PTGIR: variants seen among roughly 807,000 people sequenced by gnomAD.
The protein encoded by PTGIR is prostacyclin receptor.
Under a neutral mutation model 17.6 loss-of-function variants are expected in PTGIR, and 16 were observed. That is an observed-to-expected ratio of 0.91 (90% CI 0.61 to 1.38). The LOEUF is 1.38. Among genes scored for constraint, PTGIR ranks in the 40% most tolerant of loss-of-function variants. PTGIR has a pLI of 0.00. For missense variants in PTGIR, 532 were observed against 548.6 expected (o/e 0.97, Z 0.30); for synonymous variants, 274 against 255.4 (o/e 1.07, Z -0.69).
Position 46,623,915 on chromosome 19 carries a change from A to C in PTGIR, c.311T>G (p.Leu104Arg), listed in dbSNP as rs776295915. The C allele has an allele frequency of 1.9e-6, 3 of 1,605,174 alleles. No homozygotes were observed. Among genetic ancestry groups the C allele is most frequent in the Non-Finnish European group, 2.6e-6 (3 of 1,175,700 alleles). The change falls in exon 2 of 3, where the codon CTG (leucine) becomes CGG (arginine). Residue 104 changes from leucine (L) to arginine (R), a missense_variant. Leu to Arg is a moderately radical substitution (Grantham distance 102). Transcript: ENST00000291294. ...AFAFAMTFFG[L>R]ASMLILFAMA... Reference sequence around the variant, plus strand: ...GGCAAAGAGGATGAGCATGGACGCCAGGCCGAAGAAGGTCATGGCGAAGGC... The same window carrying C: ...GGCAAAGAGGATGAGCATGGACGCCCGGCCGAAGAAGGTCATGGCGAAGGC...
chr19:46,619,100 C>G (rs1481680673), downstream of PTGIR, among the ~76,000 whole-genome samples: 1 of 152,134 alleles, frequency 6.6e-6, no homozygotes, highest in African/African-American at 2.4e-5. Flanking sequence ...CAAGGTGTCC[C>G]GGAGTGGATA....
At chr19:46,619,662 G>GAAAGAAAAGA (rs1972030563), downstream of PTGIR, among the ~76,000 whole-genome samples, 1 of 128,544 alleles carries the variant, frequency 7.8e-6, no homozygotes, top group African/African-American at 3.0e-5. Flanking sequence ...AGAAAAGAAA[G>GAAAGAAAAGA]AAAGAAAGAA....
At chr19:46,612,136 T>C in the PTGIR span, among the ~76,000 whole-genome samples, 1 of 152,210 alleles carries the variant, frequency 6.6e-6, no homozygotes, top group South Asian at 2.1e-4. Context: ...GCTTGGCATT[T>C]GGTGGTGCAG....
downstream of PTGIR, among the ~76,000 whole-genome samples, chr19:46,617,274 C>A (rs1351603077): frequency 6.6e-6 from 1 of 152,130 alleles, no homozygotes; most frequent in East Asian, 1.9e-4. Context: ...TGGACAGGAC[C>A]CGGGCAGCTG....
rs1024240662 is a variant in PTGIR, at chr19:46,621,798, A to G, written c.769-126T>C. 3.5e-6 allele frequency: 5 copies of G among 1,441,572 alleles called. No individual in the cohort carries two copies. The African/African-American group carries it at 5.7e-5, about 17-fold the overall frequency. 89.3% of individuals were successfully genotyped at this position (1,441,572 alleles called of 1,614,324 possible). ...ACATGTCAGAGGGGAAGGAGATAAG[A>G]TAAAGACTAAGTAACAAATGTATCT... On this transcript the variant is annotated intron_variant, in intron 2 of 2. Transcript: ENST00000291294. The surrounding 1 kb of genome is among the most constrained non-coding windows in gnomAD (Gnocchi z 4.8).
chr19:46,617,297 A>T (rs2122299477), downstream of PTGIR, among the ~76,000 whole-genome samples: 1 of 152,276 alleles, frequency 6.6e-6, no homozygotes, highest in Non-Finnish European at 1.5e-5. Context: ...AGAGAGGATG[A>T]ACTTGGACAG....
the PTGIR span, among the ~76,000 whole-genome samples, chr19:46,611,140 G>A: frequency 6.6e-6 from 1 of 152,164 alleles, no homozygotes; most frequent in South Asian, 2.1e-4. Context: ...CCTGAAAGAT[G>A]GGCAGTCCCC....
chr19:46,611,431 GA>G, the PTGIR span, among the ~76,000 whole-genome samples: 1 of 152,244 alleles, frequency 6.6e-6, no homozygotes, highest in African/African-American at 2.4e-5. Flanking sequence ...ACAGTGGTGA[GA>G]AAGGCATGGT....
At chr19:46,622,507 C>T in intron 2 of PTGIR, 2 of 601,958 alleles carry the variant, frequency 3.3e-6, no homozygotes, top group Non-Finnish European at 4.2e-6. Context: ...ACGGGGCGGG[C>T]ATAGAGAAGT....
At chr19:46,619,996 C>T (rs954970704), downstream of PTGIR, among the ~76,000 whole-genome samples, 6 of 152,344 alleles carry the variant, frequency 3.9e-5, no homozygotes, top group Middle Eastern at 0.014. Context: ...CATGAGAAGC[C>T]TGTGTGGATG....
intron 2 of PTGIR, chr19:46,622,105 C>A: frequency 1.0e-6 from 1 of 985,454 alleles, no homozygotes; most frequent in Non-Finnish European, 1.2e-6. Flanking sequence ...CCCAATCCGG[C>A]CTGGCCTCTT....
At chr19:46,618,405 C>T (rs1007704605), downstream of PTGIR, among the ~76,000 whole-genome samples, 3 of 152,176 alleles carry the variant, frequency 2.0e-5, no homozygotes, top group African/African-American at 7.2e-5. Context: ...CTGCCTTGGC[C>T]TCCCAAAGTG....
downstream of PTGIR, among the ~76,000 whole-genome samples, chr19:46,619,533 GAAAGAAAGAA>G (rs1972013251): frequency 7.3e-5 from 4 of 54,958 alleles, no homozygotes; most frequent in African/African-American, 3.0e-4. Flanking sequence ...AAGAAAGAAA[GAAAGAAAGAA>G]AGAAAGAGAG....
the PTGIR span, among the ~76,000 whole-genome samples, chr19:46,612,556 G>C: frequency 6.6e-6 from 1 of 152,330 alleles, no homozygotes; most frequent in East Asian, 1.9e-4. Flanking sequence ...AGGTTATGAA[G>C]TAGGAAGTGA....
At chr19:46,618,045 G>A (rs1045619443), downstream of PTGIR, among the ~76,000 whole-genome samples, 1 of 143,594 alleles carries the variant, frequency 7.0e-6, no homozygotes, top group South Asian at 2.3e-4. Context: ...GACGGAGTCT[G>A]GCTCTGTCGC....
At chr19:46,618,014 A>ATT (rs56961349), downstream of PTGIR, among the ~76,000 whole-genome samples, 82 of 112,762 alleles carry the variant, frequency 7.3e-4, 2 homozygotes, top group East Asian at 6.2e-3. Flanking sequence ...AATTTTTGTA[A>ATT]TTTTTTTTTT....
At chr19:46,622,026 C>T in intron 2 of PTGIR, 1 of 985,454 alleles carries the variant, frequency 1.0e-6, no homozygotes, top group African/African-American at 1.7e-5. Context: ...GCGGTGGTGC[C>T]TGTGTGTATC....
At chr19:46,612,002 CG>C in the PTGIR span, among the ~76,000 whole-genome samples, 1 of 152,220 alleles carries the variant, frequency 6.6e-6, no homozygotes, top group Non-Finnish European at 1.5e-5. Flanking sequence ...GATCAGGCCT[CG>C]GCTGGGTTTT....
intron 2 of PTGIR, chr19:46,623,150 T>G: frequency 9.8e-6 from 2 of 203,626 alleles, no homozygotes; most frequent in African/African-American, 2.3e-5. Context: ...TCCGGCTACT[T>G]TTTATTTATT....
Sources: gnomAD v4.1 joint callset for allele counts (sites outside exome capture counted in the v4.1 genomes callset) on GRCh38, gnomAD v4.1.1 for gene constraint, Gnocchi (gnomAD v3.1) non-coding constraint, MANE v1.5 for transcripts, NCBI Gene and HGNC (gene_info 2026-07-23, HGNC 2026-07-21) for gene names.